Variants in SPTAN1 observed in about 807,000 individuals in gnomAD.
The protein encoded by SPTAN1 is spectrin alpha chain, non-erythrocytic 1.
A neutral mutation model predicts 331.3 loss-of-function variants in SPTAN1; 61 were observed. That is an observed-to-expected ratio of 0.18 (90% CI 0.15 to 0.23). SPTAN1 has a LOEUF of 0.23. Ranked by LOEUF, SPTAN1 falls within the 10% of genes least tolerant of loss-of-function variation. The pLI is 1.00. For synonymous variants in SPTAN1, 1,153 were observed against 1,173.9 expected, an observed-to-expected ratio of 0.98 and a Z score of 0.36; for missense variants, 2,043 against 3,147.9, an observed-to-expected ratio of 0.65 and a Z score of 8.40.
rs1027364126 is a variant in SPTAN1 at position 128,626,832 on chromosome 9, T to C, written c.6576+145T>C. ...ATCAGAAGTTTCATTTCTTTTTGTG[T>C]TCTTGAGGCAGGGTCTCTGTCACCC... is the stretch of plus-strand genomic sequence containing the variant. On this transcript the variant is annotated intron_variant, in intron 49 of 56. Coordinates refer to ENST00000372739, the MANE Select transcript of SPTAN1 (RefSeq NM_001130438.3). The C allele has an allele frequency of 3.0e-6, 3 of 1,013,688 alleles. No homozygotes were observed. In the Admixed American group the frequency reaches 6.4e-5, roughly 22 times the overall value. The allele number at this position is 1,013,688 out of a possible 1,614,324, so 62.8% of individuals were successfully genotyped here. A position where few individuals can be genotyped will look rare whatever the true frequency, so the allele number is the denominator to read the frequency against.
Position 128,625,251 on chromosome 9 carries a change from ACTGAGGCATTTATCTT to A in SPTAN1, c.6069+76_6069+91del. On this transcript the variant is annotated intron_variant, in intron 47 of 56. Transcript: ENST00000372739. This position sits in a 1 kb window ranked among gnomAD's most constrained non-coding sequence, Gnocchi z 4.1. ...TGTGAGATGACTGGTGGCGTCTTTC[ACTGAGGCATTTATCTT>A]CTGTTAGCCCCTGGGGATCAGCAGG... 6.8e-7 allele frequency: 1 copy of A among 1,460,872 alleles called. No individual in the cohort carries two copies. Among genetic ancestry groups the A allele is most frequent in the Admixed American group, 1.7e-5 (1 of 58,034 alleles). The allele number at this position is 1,460,872 out of a possible 1,614,324, so 90.5% of individuals were successfully genotyped here.
Position 128,633,211 on chromosome 9 carries a change from C to G in SPTAN1, c.7311C>G (p.Asn2437Lys). 6.2e-7 allele frequency: 1 copy of G among 1,614,030 alleles called. No homozygotes were observed. Among genetic ancestry groups the G allele is most frequent in the Non-Finnish European group, 8.5e-7 (1 of 1,180,022 alleles). The part of the protein sequence containing the change: ...PYVTKEELYQ[N>K]LTREQADYCV... The stretch of plus-strand genomic sequence containing the variant: ...AGGTGCCATCTCTTACCCCACAGAA[C>G]CTGACCCGGGAACAAGCCGACTACT... The change falls in exon 57 of 57, where the codon AAC becomes AAG. Residue 2437 changes from asparagine (N) to lysine (K), a missense_variant and splice_region_variant. Physicochemically the swap from Asn to Lys is moderately conservative, Grantham distance 94. This residue lies in a region of SPTAN1 where 88 missense variants were observed against 96.5 expected (regional missense o/e 0.91). Transcript: ENST00000372739.
chr9:128,567,114 A>G (rs1259235786), intron 2 of SPTAN1, 137 bp downstream of exon 2: 5 of 1,283,464 alleles, frequency 3.9e-6, no homozygotes, highest in Non-Finnish European at 5.5e-6. Context: ...GGACAAACTC[A>G]TTGTTTTCCT....
intron 3 of SPTAN1, among the ~76,000 whole-genome samples, chr9:128,571,842 C>CTATT (rs1850762958): frequency 6.6e-6 from 1 of 152,000 alleles, no homozygotes; most frequent in Admixed American, 6.6e-5. Flanking sequence ...CCAGTCACCA[C>CTATT]TATTTGTTTT....
At chr9:128,626,772 A>G (rs1858814377) in intron 49 of SPTAN1, 85 bp downstream of exon 49, 2 of 1,225,172 alleles carry the variant, frequency 1.6e-6, no homozygotes, top group Non-Finnish European at 1.1e-6. Context: ...TAACTGAGTC[A>G]CGACAAGACG....
At chr9:128,570,615 G>A (rs1399019631) in intron 3 of SPTAN1, among the ~76,000 whole-genome samples, 1 of 151,620 alleles carries the variant, frequency 6.6e-6, no homozygotes, top group Non-Finnish European at 1.5e-5. Context: ...TGGGATTACA[G>A]GCTTGAGCCA....
intron 11 of SPTAN1, among the ~76,000 whole-genome samples, chr9:128,581,493 C>T (rs10125752): frequency 7.2e-6 from 1 of 139,012 alleles, no homozygotes; most frequent in Admixed American, 7.1e-5. Context: ...AAAAAACAAA[C>T]AAAAAAAACA....
chr9:128,630,161 C>T lies in SPTAN1; in HGVS notation c.6708-160C>T, dbSNP rs772708633. The T allele has an allele frequency of 4.9e-6, 4 of 818,124 alleles. No individual in the cohort carries two copies. The South Asian group carries it at 5.4e-5, about 11-fold the overall frequency. 50.7% of individuals were successfully genotyped at this position (818,124 alleles called of 1,614,324 possible). A position where few individuals can be genotyped will look rare whatever the true frequency, so the allele number is the denominator to read the frequency against. Reference sequence around the variant, plus strand: ...AAATGCTCCCTGCCATCCCTCGATCCCTGGGGCCCATTAGGTAAAGATGGC... The same window carrying T: ...AAATGCTCCCTGCCATCCCTCGATCTCTGGGGCCCATTAGGTAAAGATGGC... On this transcript the variant is annotated intron_variant, in intron 51 of 56. Transcript: ENST00000372739.
chr9:128,626,729 A>AG, intron 49 of SPTAN1, 42 bp downstream of exon 49: 1 of 1,564,962 alleles, frequency 6.4e-7, no homozygotes. Context: ...GGCCTCCCAG[A>AG]GCCCTCTCTG....
chr9:128,591,670 C>G (rs1853551446), intron 22 of SPTAN1, 45 bp downstream of exon 22: 1 of 1,610,998 alleles, frequency 6.2e-7, no homozygotes, highest in Non-Finnish European at 8.5e-7. Context: ...GTCCCATAGG[C>G]ATACTCTGTT....
Position 128,607,869 on chromosome 9 carries a change from C to T in SPTAN1, c.4164C>T (p.Ile1388=), listed in dbSNP as rs759713935. ...LERHQEHRTE[I]DARAGTFQAF... Reference sequence around the variant, plus strand: ...TTTGGCAGGAACACCGGACAGAAATCGATGCCAGGGCTGGCACTTTCCAGG... The same window carrying T: ...TTTGGCAGGAACACCGGACAGAAATTGATGCCAGGGCTGGCACTTTCCAGG... The change falls in exon 33 of 57, where the codon ATC becomes ATT. Residue 1388 remains isoleucine (I), a synonymous_variant. Transcript: ENST00000372739. 3.7e-6 allele frequency: 6 copies of T among 1,613,840 alleles called. No homozygotes were observed. The highest frequency in any genetic ancestry group is 1.3e-5 in the African/African-American group (1 of 74,908).
rs1235829636 is a variant in SPTAN1 at position 128,579,678 on chromosome 9, T to C, written c.1263T>C (p.Asp421=). 1 of 1,614,130 alleles carries C rather than the reference T, an allele frequency of 6.2e-7. No homozygotes were observed. Among genetic ancestry groups the C allele is most frequent in the Admixed American group, 1.7e-5 (1 of 60,024 alleles). ...ATGAAGACAGCTTCAAATCTGCAGA[T>C]GAATCTGGACAGGCACTGCTTGCTG... ...DAHEDSFKSA[D]ESGQALLAAG... Residue 421 remains aspartate, a synonymous_variant, in exon 10 of 57, where the codon GAT becomes GAC. Transcript: ENST00000372739.
chr9:128,569,732 C>T (rs1431384494), intron 3 of SPTAN1, among the ~76,000 whole-genome samples: 2 of 152,032 alleles, frequency 1.3e-5, no homozygotes, highest in African/African-American at 2.4e-5. Context: ...ATGAAAGCTG[C>T]ACCCTTAAGC....
chr9:128,554,902 G>C (rs2132630589), intron 1 of SPTAN1, among the ~76,000 whole-genome samples: 1 of 152,318 alleles, frequency 6.6e-6, no homozygotes, highest in Non-Finnish European at 1.5e-5. Flanking sequence ...TGGCAAACTA[G>C]GCCCAAGTCA....
intron 1 of SPTAN1, among the ~76,000 whole-genome samples, chr9:128,563,434 C>A (rs1456685785): frequency 6.6e-6 from 1 of 151,952 alleles, no homozygotes; most frequent in Non-Finnish European, 1.5e-5. Flanking sequence ...AACAAAAAAA[C>A]GCCACTTTCT....
intron 48 of SPTAN1, 39 bp from the exon 49 acceptor site, chr9:128,626,352 C>T (rs2131963737): frequency 6.2e-7 from 1 of 1,609,944 alleles, no homozygotes; most frequent in East Asian, 2.2e-5. Context: ...GCACGTCCAG[C>T]CCTGGCGACT....
rs372214130 is a variant in SPTAN1 at position 128,625,910 on chromosome 9, A to G, written c.6211A>G (p.Ser2071Gly). ...ARHASLMKRW[S>G]QLLANSAARK... ...GCACGCCTCCCTCATGAAGAGGTGGAGCCAGCTTCTGGCCAACTCAGCCGC... is the reference window on the plus strand; with the variant it reads ...GCACGCCTCCCTCATGAAGAGGTGGGGCCAGCTTCTGGCCAACTCAGCCGC... Residue 2071 changes from serine to glycine, a missense_variant, in exon 48 of 57, where the codon AGC becomes GGC. By Grantham distance (56) the Ser-to-Gly change is moderately conservative. Coordinates refer to ENST00000372739, the MANE Select transcript of SPTAN1 (RefSeq NM_001130438.3). The surrounding 1 kb of genome is among the most constrained non-coding windows in gnomAD (Gnocchi z 4.1). 1.2e-6 allele frequency: 2 copies of G among 1,614,090 alleles called. No individual in the cohort carries two copies. The highest frequency in any genetic ancestry group is 2.7e-5 in the African/African-American group (2 of 74,922).
chr9:128,553,963 G>GGAAC (rs2132612171), intron 1 of SPTAN1, among the ~76,000 whole-genome samples: 1 of 152,272 alleles, frequency 6.6e-6, no homozygotes, highest in African/African-American at 2.4e-5. Flanking sequence ...AATAGCAGGA[G>GGAAC]GAACACTCAG....
At chr9:128,598,164 T>C (rs762453909) in intron 24 of SPTAN1, among the ~76,000 whole-genome samples, 1 of 148,024 alleles carries the variant, frequency 6.8e-6, no homozygotes, top group Non-Finnish European at 1.5e-5. Context: ...GTTAGGTTGG[T>C]CTCGAACTCC....
Sources: gnomAD v4.1 joint callset for allele counts (sites outside exome capture counted in the v4.1 genomes callset) on GRCh38, gnomAD v4.1.1 for gene constraint, gnomAD v4.1.1 regional missense constraint, Gnocchi (gnomAD v3.1) non-coding constraint, MANE v1.5 for transcripts, NCBI Gene and HGNC (gene_info 2026-07-23, HGNC 2026-07-21) for gene names.